Variants in CD99L2 observed in about 807,000 individuals in gnomAD.
CD99L2 encodes the protein CD99 molecule like 2.
CD99L2 carries 24 observed loss-of-function variants against 27.3 expected under a neutral mutation model. That is an observed-to-expected ratio of 0.88 (90% CI 0.64 to 1.24). CD99L2 has a LOEUF of 1.24. Ranked by LOEUF, CD99L2 falls within the 50% of genes most tolerant of loss-of-function variation. The pLI, the probability that CD99L2 is intolerant of heterozygous loss-of-function variation, is 0.00. For synonymous variants in CD99L2, 97 were observed against 87.9 expected (o/e 1.10, Z -0.58); for missense variants, 255 against 221.6 (o/e 1.15, Z -0.96).
At chrX:150,793,141 T>C (rs1009314037) in intron 7 of CD99L2, among the ~76,000 whole-genome samples, 4 of 112,753 alleles carry the variant, frequency 3.5e-5, no homozygotes, top group Middle Eastern at 4.6e-3. Flanking sequence ...TGTACTAATG[T>C]TGACTTCCTG....
chrX:150,801,787 C>G (rs1009211614), intron 4 of CD99L2, among the ~76,000 whole-genome samples: 41 of 112,025 alleles, frequency 3.7e-4, no homozygotes, highest in African/African-American at 1.3e-3. Context: ...TCAACGTAAT[C>G]TACCCTGTCA....
chrX:150,793,314 A>G (rs782062396), intron 7 of CD99L2, among the ~76,000 whole-genome samples: 5 of 112,849 alleles, frequency 4.4e-5, no homozygotes, highest in Non-Finnish European at 5.6e-5. Flanking sequence ...AATGCTCGTC[A>G]TGATGACTTT....
intron 1 of CD99L2, among the ~76,000 whole-genome samples, chrX:150,893,871 A>G (rs1431857487): frequency 1.8e-5 from 2 of 109,634 alleles, no homozygotes; most frequent in Non-Finnish European, 3.8e-5. Context: ...GTGTACCACC[A>G]TGCCCAGCTA....
chrX:150,866,569 T>C (rs2047064367), intron 1 of CD99L2, among the ~76,000 whole-genome samples: 1 of 96,764 alleles, frequency 1.0e-5, no homozygotes, highest in Non-Finnish European at 2.0e-5. Flanking sequence ...CCTGTCTCTA[T>C]TAAAAAAAAA....
rs782441430 is a variant in CD99L2 at position 150,788,269 on chromosome X, C to G, written c.496+5422G>C. 2.7e-5 allele frequency among the ~76,000 whole-genome samples: 3 copies of G among 111,579 alleles called. No homozygotes were observed. The East Asian group carries it at 8.5e-4, about 32-fold the overall frequency. ...ATAAATTATTTTGAACATCATGTAACTTCTTTTGTGATGTGTCTGTTCAAA... is the reference window on the plus strand; with the variant it reads ...ATAAATTATTTTGAACATCATGTAAGTTCTTTTGTGATGTGTCTGTTCAAA... On this transcript the variant is annotated intron_variant, in intron 7 of 10. Transcript: ENST00000370377.
chrX:150,892,577 A>G lies in CD99L2; in HGVS notation c.67+5945T>C, dbSNP rs1322018895. Among the ~76,000 whole-genome samples, 282 of 93,628 alleles carry G rather than the reference A, an allele frequency of 3.0e-3. 1 individual carries two copies. Among genetic ancestry groups the G allele is most frequent in the African/African-American group, 0.011 (265 of 25,087 alleles). 81.3% of individuals were successfully genotyped at this position (93,628 alleles called of 115,157 possible). A position where few individuals can be genotyped will look rare whatever the true frequency, so the allele number is the denominator to read the frequency against. ...GCCGAGATCGCGCCACTGCACTCCA[A>G]CCTGGGCGACAGAGCGAGACTCTGT... On this transcript the variant is annotated intron_variant, in intron 1 of 10. Transcript: ENST00000370377.
At chrX:150,873,887 C>G (rs2047193260) in intron 1 of CD99L2, among the ~76,000 whole-genome samples, 1 of 112,381 alleles carries the variant, frequency 8.9e-6, no homozygotes, top group African/African-American at 3.2e-5. Flanking sequence ...GGGTGCCCTG[C>G]TTGAACACAA....
intron 2 of CD99L2, among the ~76,000 whole-genome samples, chrX:150,830,934 G>A (rs1250860388): frequency 2.7e-5 from 3 of 109,604 alleles, no homozygotes; most frequent in East Asian, 2.8e-4. Context: ...TCAGCCTCCC[G>A]AGTAGCTGGT....
At position 150,876,138 on chromosome X, in the gene CD99L2, G is replaced by A. The variant is rs143401224; in HGVS notation, c.67+22384C>T. Among the ~76,000 whole-genome samples the A allele has an allele frequency of 3.8e-3, 426 of 112,266 alleles. 1 individual carries two copies. The highest frequency in any genetic ancestry group is 0.013 in the African/African-American group (411 of 30,885). On this transcript the variant is annotated intron_variant, in intron 1 of 10. Coordinates refer to ENST00000370377, the MANE Select transcript of CD99L2 (RefSeq NM_031462.4). Reference sequence around the variant, plus strand: ...CCAGTGTTTGGCAATTAGGAATAAAGCTGTTATGAACATGTGTGTACAGGA... The same window carrying A: ...CCAGTGTTTGGCAATTAGGAATAAAACTGTTATGAACATGTGTGTACAGGA...
chrX:150,892,291 CA>C (rs1382294212), intron 1 of CD99L2, among the ~76,000 whole-genome samples: 1 of 109,763 alleles, frequency 9.1e-6, no homozygotes, highest in African/African-American at 3.3e-5. Flanking sequence ...GCAGAAAAAG[CA>C]AAACACCAGG....
chrX:150,878,364 C>G (rs1434561694), intron 1 of CD99L2, among the ~76,000 whole-genome samples: 1 of 108,297 alleles, frequency 9.2e-6, no homozygotes, highest in Non-Finnish European at 1.9e-5. Context: ...AAAGAAAACA[C>G]CATGGGGGAA....
At chrX:150,831,416 T>C in intron 1 of CD99L2, 123 bp from the exon 2 acceptor site, 2 of 566,870 alleles carry the variant, frequency 3.5e-6, no homozygotes, top group Non-Finnish European at 5.4e-6. Context: ...TCCATGCAAA[T>C]AGAAACCCAA....
At chrX:150,775,632 T>C (rs1156253447) in intron 9 of CD99L2, among the ~76,000 whole-genome samples, 1 of 112,600 alleles carries the variant, frequency 8.9e-6, no homozygotes, top group African/African-American at 3.2e-5. Flanking sequence ...AATGATTCCA[T>C]ACAGTTTGTG....
chrX:150,851,487 C>A (rs1179787706), intron 1 of CD99L2, among the ~76,000 whole-genome samples: 1 of 112,115 alleles, frequency 8.9e-6, no homozygotes, highest in Non-Finnish European at 1.9e-5. Flanking sequence ...GATTCCCCCA[C>A]ACATGCCTGC....
At chrX:150,794,579 G>A (rs138630862) in intron 6 of CD99L2, among the ~76,000 whole-genome samples, 6 of 112,601 alleles carry the variant, frequency 5.3e-5, no homozygotes, top group East Asian at 5.6e-4. Flanking sequence ...AAAGTTCACT[G>A]ATAAGAGTTT....
In CD99L2 at chrX:150,876,397, TAATC is replaced by T. The variant is rs2047229715; in HGVS notation, c.67+22121_67+22124del. Among the ~76,000 whole-genome samples the T allele has an allele frequency of 2.7e-5, 3 of 112,015 alleles. No homozygotes were observed. The South Asian group carries it at 1.1e-3, about 42-fold the overall frequency. ...ACCAAAAGAGATCACCTCACTAACT[TAATC>T]AAGGAAAAAAAGGGCTGACATAAAT... On this transcript the variant is annotated intron_variant, in intron 1 of 10. Coordinates refer to ENST00000370377, the MANE Select transcript of CD99L2 (RefSeq NM_031462.4).
intron 1 of CD99L2, among the ~76,000 whole-genome samples, chrX:150,869,281 C>T (rs1044062406): frequency 9.0e-6 from 1 of 111,415 alleles, no homozygotes; most frequent in Non-Finnish European, 1.9e-5. Flanking sequence ...GGCACCACTG[C>T]TCCTCAAGCC....
chrX:150,768,725 C>G lies in CD99L2; in HGVS notation c.*309G>C, dbSNP rs960836547. 7 of 326,494 alleles carry G rather than the reference C, an allele frequency of 2.1e-5. No individual in the cohort carries two copies. Among genetic ancestry groups the G allele is most frequent in the Middle Eastern group, 7.9e-4 (1 of 1,260 alleles). 26.9% of individuals were successfully genotyped at this position (326,494 alleles called of 1,213,427 possible). A position where few individuals can be genotyped will look rare whatever the true frequency, so the allele number is the denominator to read the frequency against. ...CATCAGGCCTCAGCATCATCTTGGC[C>G]CCCGCATCCTGTGCTCAGTAAAGCT... On this transcript the variant is annotated 3_prime_UTR_variant, in exon 11 of 11. Coordinates refer to ENST00000370377, the MANE Select transcript of CD99L2 (RefSeq NM_031462.4).
chrX:150,791,363 T>C (rs1269222791), intron 7 of CD99L2, among the ~76,000 whole-genome samples: 1 of 111,723 alleles, frequency 9.0e-6, no homozygotes, highest in Admixed American at 9.5e-5. Context: ...TGAAAGAGAA[T>C]GACATACAGA....
Sources: gnomAD v4.1 joint callset for allele counts (sites outside exome capture counted in the v4.1 genomes callset) on GRCh38, gnomAD v4.1.1 for gene constraint, MANE v1.5 for transcripts, NCBI Gene and HGNC (gene_info 2026-07-23, HGNC 2026-07-21) for gene names.